The following EDIL3 variants were observed in gnomAD, a reference collection of about 807,000 sequenced individuals.
EDIL3 encodes EGF like and discoidin domains 3.
EDIL3 carries 37 observed loss-of-function variants against 67.4 expected under a neutral mutation model. That is an observed-to-expected ratio of 0.55 (90% CI 0.42 to 0.72). EDIL3 has a LOEUF of 0.72. EDIL3 is among the 30% of genes least tolerant of loss of function. The probability of loss-of-function intolerance (pLI) is 0.00; values close to 1 mark genes in which losing one functional copy is unlikely to be tolerated. For missense variants in EDIL3, 527 were observed against 586.3 expected (o/e 0.90, Z 1.04); for synonymous variants, 195 against 196.3 (o/e 0.99, Z 0.05).
chr5:84,366,929 C>T (rs984311947), intron 1 of EDIL3, among the ~76,000 whole-genome samples: 8 of 152,138 alleles, frequency 5.3e-5, no homozygotes, highest in Non-Finnish European at 7.4e-5. Context: ...AATGTCCCAA[C>T]AAAAATATTA....
intron 5 of EDIL3, among the ~76,000 whole-genome samples, chr5:84,134,847 T>C (rs1228666746): frequency 1.3e-5 from 2 of 152,158 alleles, no homozygotes; most frequent in Non-Finnish European, 2.9e-5. Context: ...TGCCAGATCA[T>C]ATGACAGTTG....
chr5:84,356,184 T>TG (rs2112195474), intron 1 of EDIL3, among the ~76,000 whole-genome samples: 1 of 152,026 alleles, frequency 6.6e-6, no homozygotes, highest in East Asian at 1.9e-4. Context: ...AACAAACCTT[T>TG]GGGAGGAAAT....
chr5:84,326,590 T>C (rs1006091232), intron 1 of EDIL3, among the ~76,000 whole-genome samples: 1 of 151,992 alleles, frequency 6.6e-6, no homozygotes, highest in Non-Finnish European at 1.5e-5. Flanking sequence ...AAAAGTTGGA[T>C]GTAAATCTCA....
chr5:84,338,927 G>A (rs545679766), intron 1 of EDIL3, among the ~76,000 whole-genome samples: 1 of 152,180 alleles, frequency 6.6e-6, no homozygotes, highest in East Asian at 1.9e-4. Context: ...TTATCAAGGA[G>A]CTTAAATTTA....
chr5:84,229,863 G>GT lies in EDIL3; in HGVS notation c.217dup (p.Thr73AsnfsTer9). 1 of 1,590,282 alleles carries GT rather than the reference G, an allele frequency of 6.3e-7. No individual in the cohort carries two copies. Among genetic ancestry groups the GT allele is most frequent in the South Asian group, 1.1e-5 (1 of 89,654 alleles). ...CAACATAGGAACTTTACCTGCTGAA[G>GT]TTGGTTCTTCTTCATCTGATGCTAT... On this transcript the variant is annotated frameshift_variant, in exon 3 of 11. Transcript: ENST00000296591. LOFTEE classifies it high-confidence loss of function.
chr5:84,294,727 CTAGT>C (rs1746007512), intron 1 of EDIL3, among the ~76,000 whole-genome samples: 2 of 152,264 alleles, frequency 1.3e-5, no homozygotes, highest in South Asian at 4.1e-4. Flanking sequence ...CCAACATTTA[CTAGT>C]TAATCTTTAT....
chr5:84,358,638 C>T (rs1365477166), intron 1 of EDIL3, among the ~76,000 whole-genome samples: 6 of 102,892 alleles, frequency 5.8e-5, no homozygotes, highest in African/African-American at 1.9e-4. Context: ...GAGTCTTGCT[C>T]TATCACCCAG....
At chr5:84,070,799 C>A (rs138447052) in intron 6 of EDIL3, among the ~76,000 whole-genome samples, 3 of 152,108 alleles carry the variant, frequency 2.0e-5, no homozygotes, top group South Asian at 2.1e-4. Context: ...TGAAATTTAT[C>A]GTACTTGAAC....
At chr5:84,288,842 C>T (rs901459635) in intron 1 of EDIL3, among the ~76,000 whole-genome samples, 4 of 152,068 alleles carry the variant, frequency 2.6e-5, no homozygotes, top group African/African-American at 7.2e-5. Context: ...TCTCTCTTCC[C>T]CACTATAATG....
chr5:83,955,890 AG>A, intron 10 of EDIL3, among the ~76,000 whole-genome samples: 1 of 151,976 alleles, frequency 6.6e-6, no homozygotes. Flanking sequence ...TCACATTGAC[AG>A]TGTTTAATAT....
chr5:84,154,665 G>C (rs1748458928), intron 4 of EDIL3, among the ~76,000 whole-genome samples: 1 of 147,488 alleles, frequency 6.8e-6, no homozygotes, highest in Non-Finnish European at 1.5e-5. Flanking sequence ...TTCTTGAAGA[G>C]GCCTCCTGGA....
chr5:84,283,836 T>G (rs2112110293), intron 1 of EDIL3, among the ~76,000 whole-genome samples: 1 of 152,232 alleles, frequency 6.6e-6, no homozygotes, highest in Non-Finnish European at 1.5e-5. Context: ...AGATCACAAG[T>G]TTACTATGTT....
chr5:83,992,247 T>C (rs1014632013), intron 9 of EDIL3, among the ~76,000 whole-genome samples: 7 of 152,184 alleles, frequency 4.6e-5, no homozygotes, highest in Admixed American at 4.6e-4. Context: ...TGGTGAAGAA[T>C]TGAAAGAGTA....
intron 1 of EDIL3, among the ~76,000 whole-genome samples, chr5:84,359,378 C>T (rs1479194702): frequency 6.6e-6 from 1 of 152,022 alleles, no homozygotes; most frequent in African/African-American, 2.4e-5. Context: ...ATTAAATGTA[C>T]AAGTACAAAT....
At chr5:83,968,374 C>T (rs1394330156) in intron 9 of EDIL3, among the ~76,000 whole-genome samples, 4 of 151,976 alleles carry the variant, frequency 2.6e-5, no homozygotes, top group African/African-American at 7.2e-5. Flanking sequence ...TTTTAATTTT[C>T]AACAACATTT....
chr5:84,263,170 G>A (rs1580041031), intron 1 of EDIL3, among the ~76,000 whole-genome samples: 1 of 152,144 alleles, frequency 6.6e-6, no homozygotes, highest in African/African-American at 2.4e-5. Flanking sequence ...ACCACTGCTT[G>A]TTAGGTCCAA....
chr5:84,067,415 T>C (rs944290906), intron 6 of EDIL3, among the ~76,000 whole-genome samples: 6 of 152,172 alleles, frequency 3.9e-5, no homozygotes, highest in African/African-American at 7.2e-5. Flanking sequence ...TATTCATATA[T>C]AGTAAACATT....
intron 1 of EDIL3, among the ~76,000 whole-genome samples, chr5:84,275,725 T>C (rs1312031073): frequency 6.6e-6 from 1 of 152,200 alleles, no homozygotes; most frequent in Non-Finnish European, 1.5e-5. Context: ...TAAAGAAGCA[T>C]CATTATTCAC....
At chr5:84,380,527 T>C (rs767961678) in intron 1 of EDIL3, among the ~76,000 whole-genome samples, 1 of 152,140 alleles carries the variant, frequency 6.6e-6, no homozygotes, top group Admixed American at 6.5e-5. Flanking sequence ...TTGGAAGAGA[T>C]ACAATGAACC....
Sources: gnomAD v4.1 joint callset for allele counts (sites outside exome capture counted in the v4.1 genomes callset) on GRCh38, gnomAD v4.1.1 for gene constraint, MANE v1.5 for transcripts, NCBI Gene and HGNC (gene_info 2026-07-23, HGNC 2026-07-21) for gene names.